The following KIF3B variants were observed in gnomAD, a reference collection of about 807,000 sequenced individuals.
KIF3B encodes the protein kinesin-like protein KIF3B.
Under a neutral mutation model 74.3 loss-of-function variants are expected in KIF3B, and 38 were observed. The observed-to-expected ratio is 0.51, with a 90% CI of 0.39 to 0.67. KIF3B has a LOEUF of 0.67. KIF3B is among the 30% of genes least tolerant of loss of function. The probability of loss-of-function intolerance (pLI) is 0.00; values close to 1 mark genes in which losing one functional copy is unlikely to be tolerated. For synonymous variants in KIF3B, 326 were observed against 342.5 expected (o/e 0.95, Z 0.53); for missense variants, 649 against 932.0 (o/e 0.70, Z 3.95).
intron 5 of KIF3B, among the ~76,000 whole-genome samples, chr20:32,318,010 T>G (rs1046564732): frequency 2.6e-5 from 4 of 152,068 alleles, no homozygotes; most frequent in Non-Finnish European, 5.9e-5. Flanking sequence ...ATATTTAAAG[T>G]GTACAAATCA....
At chr20:32,297,215 G>GT (rs1220630732) in intron 1 of KIF3B, among the ~76,000 whole-genome samples, 1 of 152,192 alleles carries the variant, frequency 6.6e-6, no homozygotes, top group African/African-American at 2.4e-5. Context: ...AGGTGGTTGC[G>GT]TGATCTGATC....
At chr20:32,289,186 G>A (rs566149715) in intron 1 of KIF3B, among the ~76,000 whole-genome samples, 1 of 149,230 alleles carries the variant, frequency 6.7e-6, no homozygotes, top group African/African-American at 2.5e-5. Context: ...TATTTGTTTG[G>A]TACTGGTCTG....
At chr20:32,319,260 C>G (rs566689002) in intron 5 of KIF3B, among the ~76,000 whole-genome samples, 1 of 151,536 alleles carries the variant, frequency 6.6e-6, no homozygotes, top group African/African-American at 2.4e-5. Flanking sequence ...CATGCCCGGC[C>G]TCTCCACATC....
In KIF3B at chr20:32,333,363, T is replaced by A. The variant is rs1418734317; in HGVS notation, c.*2044T>A. 2 of 151,782 alleles carry A rather than the reference T, an allele frequency of 1.3e-5. No individual in the cohort carries two copies. Among genetic ancestry groups the A allele is most frequent in the Non-Finnish European group, 2.9e-5 (2 of 67,956 alleles). The allele number at this position is 151,782 out of a possible 1,614,324, so 9.4% of individuals were successfully genotyped here. A position where few individuals can be genotyped will look rare whatever the true frequency, so the allele number is the denominator to read the frequency against. On this transcript the variant is annotated 3_prime_UTR_variant, in exon 9 of 9. Transcript: ENST00000375712. ...ACTGCAGATAACCGGCCGGGTATGGTGACTCATGCCTGTAATCCTAGCACT... is the reference window on the plus strand; with the variant it reads ...ACTGCAGATAACCGGCCGGGTATGGAGACTCATGCCTGTAATCCTAGCACT...
chr20:32,327,449 T>A, intron 6 of KIF3B, 107 bp from the exon 7 acceptor site: 1 of 804,050 alleles, frequency 1.2e-6, no homozygotes, highest in Non-Finnish European at 2.1e-6. Context: ...CCCACTTACG[T>A]CAGCCTGCAG....
chr20:32,310,573 A>T lies in KIF3B; in HGVS notation c.796A>T (p.Thr266Ser), dbSNP rs2047794907. The T allele has an allele frequency of 8.7e-6, 14 of 1,613,992 alleles. No homozygotes were observed. Among genetic ancestry groups the T allele is most frequent in the Non-Finnish European group, 1.1e-5 (13 of 1,180,016 alleles). The change falls in exon 2 of 9, where the codon ACC (threonine) becomes TCC (serine). Residue 266 changes from threonine (T) to serine (S), a missense_variant. Thr to Ser is a moderately conservative substitution (Grantham distance 58). Transcript: ENST00000375712. This position sits in a 1 kb window ranked among gnomAD's most constrained non-coding sequence, Gnocchi z 6.5. Reference sequence around the variant, plus strand: ...ACAAGGGGAGAGATTAAAAGAAGCTACCAAGATCAACCTCTCCCTTTCCGC... The same window carrying T: ...ACAAGGGGAGAGATTAAAAGAAGCTTCCAAGATCAACCTCTCCCTTTCCGC... ...GAQGERLKEA[T>S]KINLSLSALG...
At chr20:32,292,917 C>T (rs1339441923) in intron 1 of KIF3B, among the ~76,000 whole-genome samples, 1 of 152,136 alleles carries the variant, frequency 6.6e-6, no homozygotes, top group Non-Finnish European at 1.5e-5. Context: ...TAGCAAATGA[C>T]CAGAGACCAT....
At position 32,331,523 on chromosome 20, in the gene KIF3B, A is replaced by G. The variant is rs1487997041; in HGVS notation, c.*204A>G. 3 of 554,438 alleles carry G rather than the reference A, an allele frequency of 5.4e-6. No individual in the cohort carries two copies. The highest frequency in any genetic ancestry group is 9.4e-6 in the Non-Finnish European group (3 of 319,034). 34.3% of individuals were successfully genotyped at this position (554,438 alleles called of 1,614,324 possible). A position where few individuals can be genotyped will look rare whatever the true frequency, so the allele number is the denominator to read the frequency against. ...TCAGCCCCTCTGGGAAACATCTTTT[A>G]ATTAGCATCTCAGAAATGCATGGGT... is the stretch of plus-strand genomic sequence containing the variant. On this transcript the variant is annotated 3_prime_UTR_variant, in exon 9 of 9. Transcript: ENST00000375712.
chr20:32,319,582 G>GTTTTTTTTTTTTTTTTTTTTTTT (rs34028388), intron 5 of KIF3B, among the ~76,000 whole-genome samples: 2 of 92,018 alleles, frequency 2.2e-5, no homozygotes, highest in Non-Finnish European at 4.2e-5. Context: ...TTTTGTTTTT[G>GTTTTTTTTTTTTTTTTTTTTTTT]TTTTTTTTTT....
At chr20:32,327,437 G>T in intron 6 of KIF3B, 119 bp from the exon 7 acceptor site, 1 of 706,810 alleles carries the variant, frequency 1.4e-6, no homozygotes, top group Non-Finnish European at 2.4e-6. Context: ...AGCATTTCCC[G>T]TCCCACTTAC....
intron 5 of KIF3B, among the ~76,000 whole-genome samples, chr20:32,323,865 C>T (rs1171253608): frequency 1.3e-5 from 2 of 151,620 alleles, no homozygotes; most frequent in African/African-American, 4.8e-5. Flanking sequence ...GCAACAAGAG[C>T]GAAACTCCAT....
At chr20:32,313,425 A>T (rs1298018739) in intron 2 of KIF3B, among the ~76,000 whole-genome samples, 2 of 152,134 alleles carry the variant, frequency 1.3e-5, no homozygotes, top group Non-Finnish European at 2.9e-5. Flanking sequence ...TCCTACCCCT[A>T]CTGTATGAAG....
At chr20:32,292,592 A>G (rs2047697654) in intron 1 of KIF3B, among the ~76,000 whole-genome samples, 1 of 150,020 alleles carries the variant, frequency 6.7e-6, no homozygotes, top group African/African-American at 2.4e-5. Flanking sequence ...AGAAAAAAAA[A>G]AAAAAAAAAA....
intron 1 of KIF3B, among the ~76,000 whole-genome samples, chr20:32,283,978 C>T (rs2122653612): frequency 6.6e-6 from 1 of 151,302 alleles, no homozygotes; most frequent in East Asian, 2.0e-4. Flanking sequence ...TGCAGTGGTG[C>T]AGTCATAGCT....
At chr20:32,279,078 C>T (rs2047630104) in intron 1 of KIF3B, among the ~76,000 whole-genome samples, 1 of 151,928 alleles carries the variant, frequency 6.6e-6, no homozygotes, top group African/African-American at 2.4e-5. Flanking sequence ...TGTTCACCAC[C>T]TCGTCCACTA....
intron 1 of KIF3B, among the ~76,000 whole-genome samples, chr20:32,291,427 C>A (rs553335375): frequency 6.6e-6 from 1 of 152,078 alleles, no homozygotes; most frequent in South Asian, 2.1e-4. Flanking sequence ...TCCTATTTTA[C>A]CTATAACCTT....
chr20:32,296,679 G>A (rs1266872750), intron 1 of KIF3B, among the ~76,000 whole-genome samples: 2 of 152,138 alleles, frequency 1.3e-5, no homozygotes, highest in African/African-American at 2.4e-5. Context: ...GGGAAAGCCA[G>A]TGTTGTTATC....
chr20:32,322,814 ATATATATTTATATGTATAT>A (rs2047874554), intron 5 of KIF3B, among the ~76,000 whole-genome samples: 2 of 54,102 alleles, frequency 3.7e-5, no homozygotes, highest in Non-Finnish European at 5.4e-5. Context: ...ATATATATTT[ATATATATTTATATGTATAT>A]TTTTATATAT....
At chr20:32,323,081 T>C (rs1406823515) in intron 5 of KIF3B, among the ~76,000 whole-genome samples, 2 of 119,176 alleles carry the variant, frequency 1.7e-5, no homozygotes, top group African/African-American at 6.8e-5. Flanking sequence ...TATATATTTA[T>C]ATATATTTAT....
Sources: gnomAD v4.1 joint callset for allele counts (sites outside exome capture counted in the v4.1 genomes callset) on GRCh38, gnomAD v4.1.1 for gene constraint, Gnocchi (gnomAD v3.1) non-coding constraint, MANE v1.5 for transcripts, NCBI Gene and HGNC (gene_info 2026-07-23, HGNC 2026-07-21) for gene names.